The following ATP5PO variants were observed in gnomAD, a reference collection of about 807,000 sequenced individuals.
ATP5PO encodes the protein ATP synthase peripheral stalk subunit OSCP.
In ATP5PO, 14 loss-of-function variants were observed where a neutral mutation model predicts 26.2. The ratio of observed to expected loss-of-function variants is 0.53; its 90% CI spans 0.35 to 0.83. The LOEUF (loss-of-function observed/expected upper bound fraction) is 0.83, where lower values mean the gene tolerates loss of function less well. ATP5PO is among the 40% of genes least tolerant of loss of function. ATP5PO has a pLI of 0.01. For synonymous variants in ATP5PO, 106 were observed against 95.1 expected (o/e 1.12, Z -0.67); for missense variants, 241 against 258.5 (o/e 0.93, Z 0.46).
intron 3 of ATP5PO, 130 bp downstream of exon 3, chr21:33,912,159 T>A (rs1987257602): frequency 2.8e-5 from 16 of 579,856 alleles, no homozygotes; most frequent in Non-Finnish European, 3.7e-5. Context: ...TTACTAAAAA[T>A]GTGTTTACAG....
intron 5 of ATP5PO, 97 bp downstream of exon 5, chr21:33,907,244 C>T: frequency 1.8e-6 from 2 of 1,087,358 alleles, no homozygotes. Flanking sequence ...TTACCTTTCC[C>T]AATTTCTTGA....
chr21:33,907,561 C>T (rs2148605928), intron 4 of ATP5PO, 108 bp from the exon 5 acceptor site: 1 of 882,586 alleles, frequency 1.1e-6, no homozygotes, highest in African/African-American at 1.7e-5. Flanking sequence ...CCTTAAAACA[C>T]CATATACAGG....
chr21:33,911,352 G>A (rs1987244316), intron 3 of ATP5PO, among the ~76,000 whole-genome samples: 1 of 152,052 alleles, frequency 6.6e-6, no homozygotes, highest in African/African-American at 2.4e-5. Context: ...CTACTGGGAA[G>A]CCCATGCCCC....
Position 33,907,356 on chromosome 21 carries a change from T to C in ATP5PO, c.426A>G (p.Thr142=), listed in dbSNP as rs1326455763. The part of the protein sequence containing the change: ...MSVHRGEVPC[T]VTSASPLEEA... ...CGTTACTTACAGATGCAGAGGTCACTGTGCAAGGTACCTCTCCGCGATGGA... is the reference window on the plus strand; with the variant it reads ...CGTTACTTACAGATGCAGAGGTCACCGTGCAAGGTACCTCTCCGCGATGGA... Residue 142 remains threonine, a synonymous_variant, in exon 5 of 7, where the codon ACA becomes ACG. Coordinates refer to ENST00000290299, the MANE Select transcript of ATP5PO (RefSeq NM_001697.3). 2.5e-6 allele frequency: 4 copies of C among 1,613,340 alleles called. No individual in the cohort carries two copies. Among genetic ancestry groups the C allele is most frequent in the Non-Finnish European group, 1.7e-6 (2 of 1,179,426 alleles).
Position 33,904,015 on chromosome 21 carries a change from C to A in ATP5PO, c.448G>T (p.Glu150Ter), listed in dbSNP as rs1429160078. ...PCTVTSASPLEEATLSELKTV... is the reference protein window; with the variant it reads ...PCTVTSASPL The stretch of plus-strand genomic sequence containing the variant: ...TTTAATTCAGAGAGTGTGGCTTCTT[C>A]TAAAGGCTGAAAGGCAAAACCATCC... Residue 150 changes from glutamate (E) to a stop codon, truncating the protein, a stop_gained, in exon 6 of 7, where the codon GAA (glutamate) becomes TAA (stop). Transcript: ENST00000290299. LOFTEE classifies it high-confidence loss of function. 1 of 1,611,312 alleles carries A rather than the reference C, an allele frequency of 6.2e-7. No individual in the cohort carries two copies. Among genetic ancestry groups the A allele is most frequent in the Non-Finnish European group, 8.5e-7 (1 of 1,179,070 alleles).
Position 33,912,326 on chromosome 21 carries a change from T to A in ATP5PO, c.161A>T (p.Lys54Met). The change falls in exon 3 of 7, where the codon AAG becomes ATG. Residue 54 changes from lysine to methionine, a missense_variant. By Grantham distance (95) the Lys-to-Met change is moderately conservative. Around this residue, in one of 3 missense-constraint regions of ATP5PO, gnomAD observed 125 missense variants for 108.5 expected, o/e 1.15. Transcript: ENST00000290299. ...ALYSAASKQN[K>M]LEQVEKELLR... Reference sequence around the variant, plus strand: ...CAACTCCTTTTCTACTTGCTCCAGCTTATTCTGTTTTGATGCAGCAGAATA... The same window carrying A: ...CAACTCCTTTTCTACTTGCTCCAGCATATTCTGTTTTGATGCAGCAGAATA... 1 of 1,613,610 alleles carries A rather than the reference T, an allele frequency of 6.2e-7. No individual in the cohort carries two copies. The highest frequency in any genetic ancestry group is 8.5e-7 in the Non-Finnish European group (1 of 1,179,710).
chr21:33,907,099 T>G (rs532887852), intron 5 of ATP5PO: 1 of 500,330 alleles, frequency 2.0e-6, no homozygotes, highest in Non-Finnish European at 3.6e-6. Context: ...CACATTTTGA[T>G]GTACTTTACA....
At chr21:33,907,928 GAC>G (rs777417276) in intron 4 of ATP5PO, among the ~76,000 whole-genome samples, 3 of 152,182 alleles carry the variant, frequency 2.0e-5, no homozygotes, top group Non-Finnish European at 4.4e-5. Context: ...GAGATGGGCA[GAC>G]AGCTTGCGTC....
chr21:33,905,927 A>AAAAAAAAAAAAAAAAAAAAAAAAAAAC (rs1987165584), intron 5 of ATP5PO, among the ~76,000 whole-genome samples: 1 of 150,652 alleles, frequency 6.6e-6, no homozygotes, highest in Non-Finnish European at 1.5e-5. Context: ...AGAAAAAAAA[A>AAAAAAAAAAAAAAAAAAAAAAAAAAAC]AAAAAAAAAA....
At chr21:33,906,969 A>G in intron 5 of ATP5PO, 1 of 342,146 alleles carries the variant, frequency 2.9e-6, no homozygotes, top group East Asian at 7.7e-5. Context: ...AGCCTGGGTG[A>G]CAAAGTGAGA....
chr21:33,912,514 AAC>A (rs1446613389), intron 2 of ATP5PO, 115 bp from the exon 3 acceptor site: 2 of 637,400 alleles, frequency 3.1e-6, no homozygotes, highest in South Asian at 2.9e-5. Context: ...TTTAACACAA[AAC>A]AGTTTAAATA....
intron 5 of ATP5PO, among the ~76,000 whole-genome samples, chr21:33,906,092 A>T (rs954483738): frequency 4.6e-5 from 7 of 152,024 alleles, no homozygotes; most frequent in Non-Finnish European, 1.0e-4. Flanking sequence ...AGCTGTAATG[A>T]TTTGCAGCCA....
Position 33,908,988 on chromosome 21 carries a change from G to A in ATP5PO, c.328+94C>T, listed in dbSNP as rs906867842. 10 of 1,370,358 alleles carry A rather than the reference G, an allele frequency of 7.3e-6. 1 individual carries two copies. In the Admixed American group the frequency reaches 2.1e-4, roughly 28 times the overall value. The allele number at this position is 1,370,358 out of a possible 1,614,324, so 84.9% of individuals were successfully genotyped here. A position where few individuals can be genotyped will look rare whatever the true frequency, so the allele number is the denominator to read the frequency against. ...GCCTGAGATTCTTCACTGCCAACAG[G>A]CTCCCAGGTGATGCTGATGCCGCCC... On this transcript the variant is annotated intron_variant, in intron 4 of 6. Transcript: ENST00000290299.
intron 5 of ATP5PO, among the ~76,000 whole-genome samples, chr21:33,904,839 C>T (rs1262227263): frequency 6.6e-6 from 1 of 152,174 alleles, no homozygotes. Context: ...CTCCCAGGTT[C>T]AAGTGATTCT....
Position 33,907,201 on chromosome 21 carries a change from T to G in ATP5PO, c.441+140A>C, listed in dbSNP as rs1217467998. On this transcript the variant is annotated intron_variant, in intron 5 of 6. Coordinates refer to ENST00000290299, the MANE Select transcript of ATP5PO (RefSeq NM_001697.3). The stretch of plus-strand genomic sequence containing the variant: ...CAAAGCAAAGGGTCACAGAAGCTGA[T>G]ATAAAAATGAAACAAACATCCCAGG... 7.1e-6 allele frequency: 5 copies of G among 706,646 alleles called. No homozygotes were observed. The African/African-American group carries it at 9.0e-5, about 13-fold the overall frequency. The allele number at this position is 706,646 out of a possible 1,614,324, so 43.8% of individuals were successfully genotyped here.
At chr21:33,908,984 A>AC in intron 4 of ATP5PO, 98 bp downstream of exon 4, 9 of 1,356,372 alleles carry the variant, frequency 6.6e-6, no homozygotes, top group Non-Finnish European at 9.0e-6. Context: ...TTCACTGCCA[A>AC]CAGGCTCCCA....
Position 33,903,542 on chromosome 21 carries a change from A to G in ATP5PO, c.626T>C (p.Met209Thr). 6.2e-7 allele frequency: 1 copy of G among 1,613,670 alleles called. No homozygotes were observed. The highest frequency in any genetic ancestry group is 8.5e-7 in the Non-Finnish European group (1 of 1,179,796). The change falls in exon 7 of 7, where the codon ATG (methionine) becomes ACG (threonine). Residue 209 changes from methionine to threonine, a missense_variant. This residue lies in a region of ATP5PO where 77 missense variants were observed against 74.5 expected (regional missense o/e 1.03). Coordinates refer to ENST00000290299, the MANE Select transcript of ATP5PO (RefSeq NM_001697.3). ...KTKIQKLGRAMREIV is the reference protein window; with the variant it reads ...KTKIQKLGRATREIV ...CCAACACTTTTAGACAATCTCCCGC[A>G]TAGCCCTGCCCAGCTTCTGAATCTT...
intron 5 of ATP5PO, among the ~76,000 whole-genome samples, chr21:33,905,935 A>AAAAAAAAAAAAAAG (rs1569365877): frequency 2.7e-5 from 4 of 150,784 alleles, no homozygotes; most frequent in Non-Finnish European, 4.4e-5. Context: ...AAAAAAAAAA[A>AAAAAAAAAAAAAAG]AAAGAAAATC....
At chr21:33,912,946 T>C (rs1987268040) in intron 2 of ATP5PO, among the ~76,000 whole-genome samples, 1 of 152,244 alleles carries the variant, frequency 6.6e-6, no homozygotes, top group African/African-American at 2.4e-5. Flanking sequence ...GATGCTTGAA[T>C]TATTTTTCAC....
Sources: gnomAD v4.1 joint callset for allele counts (sites outside exome capture counted in the v4.1 genomes callset) on GRCh38, gnomAD v4.1.1 for gene constraint, gnomAD v4.1.1 regional missense constraint, MANE v1.5 for transcripts, NCBI Gene and HGNC (gene_info 2026-07-23, HGNC 2026-07-21) for gene names.